GAD2: variants seen among roughly 807,000 people sequenced by gnomAD.
GAD2 encodes the protein glutamate decarboxylase 2.
Under a neutral mutation model 80.1 loss-of-function variants are expected in GAD2, and 22 were observed. The ratio of observed to expected loss-of-function variants is 0.27; its 90% confidence interval spans 0.20 to 0.39. GAD2 has a LOEUF of 0.39. Ranked by LOEUF, GAD2 falls within the 10% of genes least tolerant of loss-of-function variation. GAD2 has a pLI of 1.00. For missense variants in GAD2, 624 were observed against 738.4 expected (o/e 0.85, Z 1.80); for synonymous variants, 274 against 256.9 (o/e 1.07, Z -0.64).
At chr10:26,216,674 C>T, upstream of GAD2, 1 of 542,638 alleles carries the variant, frequency 1.8e-6, no homozygotes, top group Non-Finnish European at 3.1e-6. The surrounding 1 kb of genome is among the most constrained non-coding windows in gnomAD (Gnocchi z 4.7). Flanking sequence ...CACCCGCCCT[C>T]GCCGCTCGGC....
chr10:26,284,974 A>G (rs1311327605), intron 12 of GAD2, among the ~76,000 whole-genome samples: 1 of 152,132 alleles, frequency 6.6e-6, no homozygotes, highest in African/African-American at 2.4e-5. Context: ...GGTCTTCCTT[A>G]GTATTGATGG....
intron 7 of GAD2, among the ~76,000 whole-genome samples, chr10:26,237,455 T>C (rs1053126396): frequency 2.6e-5 from 4 of 151,722 alleles, no homozygotes; most frequent in African/African-American, 9.7e-5. Context: ...ATGGGAAGGG[T>C]AGTGCACTGC....
At chr10:26,248,588 GT>G (rs1019537279) in intron 8 of GAD2, among the ~76,000 whole-genome samples, 1 of 152,180 alleles carries the variant, frequency 6.6e-6, no homozygotes, top group African/African-American at 2.4e-5. Context: ...GAAGCTGATC[GT>G]TTACTTCTCA....
intron 3 of GAD2, chr10:26,218,201 GGCTCTGAGGCCGTGGC>G (rs1407980700): frequency 2.6e-5 from 12 of 470,358 alleles, no homozygotes; most frequent in East Asian, 2.1e-4. Context: ...GCTCCAAGAG[GGCTCTGAGGCCGTGGC>G]GCTCTTCCCC....
chr10:26,283,773 G>A (rs1564670863), intron 12 of GAD2, among the ~76,000 whole-genome samples: 1 of 152,130 alleles, frequency 6.6e-6, no homozygotes, highest in Admixed American at 6.5e-5. Context: ...AGGGCTGAAG[G>A]GAGGATGGCA....
In GAD2 at chr10:26,237,998, T is replaced by TCA. The variant is rs775490775; in HGVS notation, c.841-7918_841-7917dup. On this transcript the variant is annotated intron_variant, in intron 7 of 15. Transcript: ENST00000376261. ...CTTCAGGTGACAGGGCGAGACTCCA[T>TCA]CACACAGACACACACACACACACAC... Among the ~76,000 whole-genome samples, 571 of 117,670 alleles carry TCA rather than the reference T, an allele frequency of 4.9e-3. 11 individuals carry two copies. The highest frequency in any genetic ancestry group is 0.019 in the African/African-American group (523 of 26,990). 77.2% of individuals were successfully genotyped at this position (117,670 alleles called of 152,430 possible).
chr10:26,257,622 T>G (rs1844959709), intron 8 of GAD2, among the ~76,000 whole-genome samples: 1 of 129,320 alleles, frequency 7.7e-6, no homozygotes, highest in Non-Finnish European at 1.6e-5. Flanking sequence ...CCATTTTGAT[T>G]AATACTTTTA....
chr10:26,289,881 C>G (rs1489021750), intron 13 of GAD2, among the ~76,000 whole-genome samples: 1 of 149,670 alleles, frequency 6.7e-6, no homozygotes, highest in Non-Finnish European at 1.5e-5. Flanking sequence ...CAGCCTCCAT[C>G]TCCCAGGTTC....
intron 5 of GAD2, 96 bp from the exon 6 acceptor site, chr10:26,224,443 T>C (rs1844495926): frequency 1.3e-6 from 1 of 793,664 alleles, no homozygotes; most frequent in African/African-American, 1.7e-5. Flanking sequence ...TGTAAATGTA[T>C]GTTTTGAAAA....
intron 11 of GAD2, among the ~76,000 whole-genome samples, chr10:26,278,773 T>C (rs1845239944): frequency 6.6e-6 from 1 of 151,896 alleles, no homozygotes; most frequent in African/African-American, 2.4e-5. Context: ...TGACAACCAG[T>C]GTCAGAGCCA....
At chr10:26,225,346 T>C (rs1298031542) in intron 6 of GAD2, among the ~76,000 whole-genome samples, 1 of 152,232 alleles carries the variant, frequency 6.6e-6, no homozygotes, top group Non-Finnish European at 1.5e-5. Flanking sequence ...CAAAAAGCTG[T>C]GCCCTTGGTT....
chr10:26,286,340 T>C lies in GAD2; in HGVS notation c.1237-5T>C. On this transcript the variant is annotated splice_region_variant and splice_polypyrimidine_tract_variant and intron_variant, in intron 12 of 15. Transcript: ENST00000376261. ...ATTTCCTAAATTTTCTCTTCTCTCT[T>C]GTAGGGATTGATGCAGAATTGCAAC... 6.2e-7 allele frequency: 1 copy of C among 1,611,868 alleles called. No individual in the cohort carries two copies. The highest frequency in any genetic ancestry group is 8.5e-7 in the Non-Finnish European group (1 of 1,179,304).
At chr10:26,236,590 C>G (rs139860848) in intron 7 of GAD2, among the ~76,000 whole-genome samples, 1 of 152,046 alleles carries the variant, frequency 6.6e-6, no homozygotes, top group Non-Finnish European at 1.5e-5. Flanking sequence ...CGTGAGCCAC[C>G]GCACCTGGCC....
At chr10:26,256,102 G>A (rs1304901601) in intron 8 of GAD2, among the ~76,000 whole-genome samples, 1 of 152,052 alleles carries the variant, frequency 6.6e-6, no homozygotes, top group African/African-American at 2.4e-5. Context: ...TAAAAAGAAT[G>A]CTCATATACC....
At chr10:26,299,146 G>C (rs1834304333) in intron 15 of GAD2, among the ~76,000 whole-genome samples, 1 of 152,204 alleles carries the variant, frequency 6.6e-6, no homozygotes. Flanking sequence ...AAGTCTACCT[G>C]TTGACCTTGT....
intron 8 of GAD2, among the ~76,000 whole-genome samples, chr10:26,255,610 A>G (rs1844932972): frequency 7.2e-6 from 1 of 138,792 alleles, no homozygotes; most frequent in Middle Eastern, 3.3e-3. Context: ...GGAAAGAAGG[A>G]AGGAAGGAAG....
intron 15 of GAD2, among the ~76,000 whole-genome samples, chr10:26,296,614 G>C (rs901488517): frequency 6.6e-6 from 1 of 152,192 alleles, no homozygotes; most frequent in African/African-American, 2.4e-5. Context: ...TGGACACAGG[G>C]AGGGGCAGCA....
chr10:26,228,847 C>T (rs139582567), intron 6 of GAD2, among the ~76,000 whole-genome samples: 62 of 152,014 alleles, frequency 4.1e-4, no homozygotes, highest in African/African-American at 1.3e-3. Flanking sequence ...TTGTCTTCCA[C>T]GAAACGCATC....
chr10:26,234,029 AAAC>A (rs1473861101), intron 7 of GAD2, among the ~76,000 whole-genome samples: 2 of 152,216 alleles, frequency 1.3e-5, no homozygotes, highest in Non-Finnish European at 2.9e-5. Context: ...CAACTTTAAA[AAAC>A]AACAACCTCA....
Sources: allele counts gnomAD v4.1 joint callset (sites outside exome capture counted in the v4.1 genomes callset), GRCh38; gene constraint gnomAD v4.1.1; non-coding constraint Gnocchi (gnomAD v3.1); transcripts MANE v1.5; gene names NCBI Gene and HGNC (gene_info 2026-07-23, HGNC 2026-07-21).